PML: variants seen among roughly 807,000 people sequenced by gnomAD.
PML encodes PML nuclear body scaffold.
Under a neutral mutation model 65.2 loss-of-function variants are expected in PML, and 28 were observed. The ratio of observed to expected loss-of-function variants is 0.43; its 90% CI spans 0.32 to 0.59. The LOEUF is 0.59. PML is among the 20% of genes least tolerant of loss of function. The pLI is 0.08. For missense variants in PML, 1,021 were observed against 1,203.4 expected, an observed-to-expected ratio of 0.85 and a Z score of 2.24; for synonymous variants, 500 against 508.8, an observed-to-expected ratio of 0.98 and a Z score of 0.23.
At position 74,035,161 on chromosome 15, in the gene PML, G is replaced by T. The variant is rs1310159955; in HGVS notation, c.1710+631G>T. ...CTTCCAGCCCTCAGTCTGAGGTTCT[G>T]TATTGGAAAGTGCATGGAGCCCATG... On this transcript the variant is annotated intron_variant, in intron 7 of 8. Coordinates refer to ENST00000268058, the MANE Select transcript of PML (RefSeq NM_033238.3). The surrounding 1 kb of genome is among the most constrained non-coding windows in gnomAD (Gnocchi z 4.1). 8.3e-7 allele frequency: 1 copy of T among 1,209,182 alleles called. No homozygotes were observed. The highest frequency in any genetic ancestry group is 1.5e-5 in the African/African-American group (1 of 67,210). 74.9% of individuals were successfully genotyped at this position (1,209,182 alleles called of 1,614,324 possible).
rs1047960171 is a variant in PML, at chr15:74,024,884, C to T, written c.1211C>T (p.Pro404Leu). The T allele has an allele frequency of 6.2e-7, 1 of 1,613,788 alleles. No homozygotes were observed. The highest frequency in any genetic ancestry group is 1.3e-5 in the African/African-American group (1 of 74,922). Residue 404 changes from proline (P) to leucine (L), a missense_variant, in exon 4 of 9, where the codon CCA becomes CTA. Pro to Leu is a moderately conservative substitution (Grantham distance 98, BLOSUM62 -3). Transcript: ENST00000268058. ...KDAAVSKKAS[P>L]EAASTPRDPI... ...GCAGCTGTATCCAAGAAAGCCAGCC[C>T]AGAGGCTGCCAGCACTCCCAGGGAC...
At chr15:74,028,013 C>G (rs1387790334) in intron 4 of PML, 1 of 152,222 alleles carries the variant, frequency 6.6e-6, no homozygotes, top group African/African-American at 2.4e-5. Context: ...CCTCTTGAAA[C>G]TGCTGGTTTG....
chr15:74,031,053 C>T (rs2071300583), intron 4 of PML, among the ~76,000 whole-genome samples: 1 of 151,988 alleles, frequency 6.6e-6, no homozygotes, highest in African/African-American at 2.4e-5. Context: ...CTTTCATAAT[C>T]TTGCACAGCC....
chr15:74,039,102 AG>A (rs2071640332), intron 7 of PML, among the ~76,000 whole-genome samples: 1 of 152,122 alleles, frequency 6.6e-6, no homozygotes, highest in Non-Finnish European at 1.5e-5. Flanking sequence ...CAGCAACAGG[AG>A]GGGGCCAAGG....
chr15:74,018,322 CAAAAAAAAAA>C (rs10663510), intron 2 of PML, among the ~76,000 whole-genome samples: 1 of 94,888 alleles, frequency 1.1e-5, no homozygotes. Context: ...GACTCAGTCT[CAAAAAAAAAA>C]AAAAAGAAAA....
intron 2 of PML, among the ~76,000 whole-genome samples, chr15:74,018,187 G>C (rs987517931): frequency 8.6e-5 from 13 of 151,956 alleles, no homozygotes; most frequent in African/African-American, 3.1e-4. Context: ...GCCAGGCATG[G>C]TGGCTCACAC....
At position 74,044,796 on chromosome 15, in the gene PML, C is replaced by T. The variant is rs1037329656; in HGVS notation, c.2437C>T (p.Arg813Cys). The T allele has an allele frequency of 6.8e-6, 11 of 1,613,166 alleles. No individual in the cohort carries two copies. The highest frequency in any genetic ancestry group is 1.3e-5 in the African/African-American group (1 of 75,076). ...VSFMELLSAH[R>C]RDRQGGLKKY... ...CTTCATGGAGCTGCTGAGTGCACAC[C>T]GCCGTGACCGGCAGGGGGGCCTGAA... Residue 813 changes from arginine (R) to cysteine (C), a missense_variant, in exon 9 of 9, where the codon CGC becomes TGC. Coordinates refer to ENST00000268058, the MANE Select transcript of PML (RefSeq NM_033238.3).
chr15:73,994,775 C>A lies in PML; in HGVS notation c.-38C>A. 12 of 1,550,682 alleles carry A rather than the reference C, an allele frequency of 7.7e-6. No individual in the cohort carries two copies. The highest frequency in any genetic ancestry group is 1.2e-5 in the South Asian group (1 of 84,062). ...CCCTTCAGCTTCTCTTCACGCACTC[C>A]AAGATCTAAACCGAGAATCGAAACT... On this transcript the variant is annotated 5_prime_UTR_variant, in exon 1 of 9. Transcript: ENST00000268058.
At chr15:74,025,473 A>G (rs2071032187) in intron 4 of PML, 1 of 167,932 alleles carries the variant, frequency 6.0e-6, no homozygotes, top group Non-Finnish European at 1.3e-5. Flanking sequence ...TTTCGATCCC[A>G]GTTGCCCGGG....
Position 74,036,230 on chromosome 15 carries a change from C to T in PML, c.1710+1700C>T, listed in dbSNP as rs1355173964. 2.0e-6 allele frequency: 3 copies of T among 1,537,550 alleles called. No homozygotes were observed. The African/African-American group carries it at 4.1e-5, about 21-fold the overall frequency. ...GAAACTTCTGTCACCCTTGCACTCT[C>T]CTGTATTCTGAGTCCCTGGCCAATA... On this transcript the variant is annotated intron_variant, in intron 7 of 8. Coordinates refer to ENST00000268058, the MANE Select transcript of PML (RefSeq NM_033238.3).
intron 7 of PML, chr15:74,036,258 A>G (rs2071556560): frequency 3.3e-6 from 5 of 1,494,124 alleles, no homozygotes; most frequent in Admixed American, 4.1e-5. Flanking sequence ...GGCCAATAGC[A>G]CAGCCTTCCA....
intron 5 of PML, 55 bp from the exon 6 acceptor site, chr15:74,033,101 C>G: frequency 6.2e-7 from 1 of 1,602,076 alleles, no homozygotes; most frequent in Middle Eastern, 1.9e-4. Flanking sequence ...AGGGCAGGCT[C>G]TGCCCACTCA....
rs548867447 is a variant in PML, at chr15:74,045,338, C to T, written c.*330C>T. ...CCCTGGTCTTGCCCCATCCATCCCA[C>T]CTGCCACTACCTTGGGTGTCCTTAC... On this transcript the variant is annotated 3_prime_UTR_variant, in exon 9 of 9. Coordinates refer to ENST00000268058, the MANE Select transcript of PML (RefSeq NM_033238.3). 204 of 371,522 alleles carry T rather than the reference C, an allele frequency of 5.5e-4. 2 individuals are homozygous for T. In the South Asian group the frequency reaches 9.1e-3, roughly 17 times the overall value. The allele number at this position is 371,522 out of a possible 1,614,324, so 23.0% of individuals were successfully genotyped here.
chr15:74,006,244 C>T (rs567302416), intron 2 of PML, among the ~76,000 whole-genome samples: 3 of 151,896 alleles, frequency 2.0e-5, no homozygotes, highest in East Asian at 1.9e-4. Flanking sequence ...TATAAAAATT[C>T]GCCAGGCATG....
intron 2 of PML, among the ~76,000 whole-genome samples, chr15:74,010,370 C>T (rs564729141): frequency 6.6e-6 from 1 of 151,104 alleles, no homozygotes; most frequent in Admixed American, 6.6e-5. Context: ...AATTAACAAG[C>T]TTTTGGCATA....
chr15:73,997,607 A>T (rs539202208), intron 1 of PML, among the ~76,000 whole-genome samples: 1 of 152,296 alleles, frequency 6.6e-6, no homozygotes, highest in East Asian at 1.9e-4. Context: ...TATATATCTA[A>T]GAGTGGAATT....
At chr15:74,030,184 G>A (rs1162583909) in intron 4 of PML, among the ~76,000 whole-genome samples, 1 of 152,320 alleles carries the variant, frequency 6.6e-6, no homozygotes, top group Non-Finnish European at 1.5e-5. Flanking sequence ...GAGGGACAGA[G>A]CTTGTCCCTG....
chr15:74,014,769 A>C (rs1178455611), intron 2 of PML, among the ~76,000 whole-genome samples: 1 of 151,902 alleles, frequency 6.6e-6, no homozygotes, highest in East Asian at 2.0e-4. Context: ...CTCAAAAAAA[A>C]GAAAAAAAAG....
At chr15:74,025,306 T>C (rs1352425089) in intron 4 of PML, 1 of 323,862 alleles carries the variant, frequency 3.1e-6, no homozygotes. Flanking sequence ...AGATATAGGG[T>C]CAGCAGTCCT....
Sources: gnomAD v4.1 joint callset for allele counts (sites outside exome capture counted in the v4.1 genomes callset) on GRCh38, gnomAD v4.1.1 for gene constraint, Gnocchi (gnomAD v3.1) non-coding constraint, MANE v1.5 for transcripts, NCBI Gene and HGNC (gene_info 2026-07-23, HGNC 2026-07-21) for gene names.